JAZF1: variants seen among roughly 807,000 people sequenced by gnomAD.
The protein encoded by JAZF1 is juxtaposed with another zinc finger protein 1.
Under a neutral mutation model 26.4 loss-of-function variants are expected in JAZF1, and 8 were observed. The observed-to-expected ratio is 0.30, with a 90% CI of 0.18 to 0.55. The LOEUF (loss-of-function observed/expected upper bound fraction) is 0.55. Ranked by LOEUF, JAZF1 falls within the 20% of genes least tolerant of loss-of-function variation. JAZF1 has a pLI of 0.94. For missense variants in JAZF1, 199 were observed against 322.0 expected, an observed-to-expected ratio of 0.62 and a Z score of 2.92; for synonymous variants, 126 against 122.3, an observed-to-expected ratio of 1.03 and a Z score of -0.20.
At chr7:27,975,856 T>A (rs143086729) in intron 2 of JAZF1, among the ~76,000 whole-genome samples, 1 of 152,178 alleles carries the variant, frequency 6.6e-6, no homozygotes, top group Non-Finnish European at 1.5e-5. Context: ...GTTTAAAACA[T>A]AGAGTGTCCT....
chr7:27,837,233 G>T (rs962447506), intron 4 of JAZF1, among the ~76,000 whole-genome samples: 22 of 152,200 alleles, frequency 1.4e-4, no homozygotes, highest in Non-Finnish European at 3.1e-4. Flanking sequence ...ATTATCAAAG[G>T]TTAAGCACTT....
At chr7:27,995,104 A>G (rs1423271247) in intron 1 of JAZF1, among the ~76,000 whole-genome samples, 1 of 152,268 alleles carries the variant, frequency 6.6e-6, no homozygotes, top group Non-Finnish European at 1.5e-5. Context: ...GAATTTCCTT[A>G]TACCATGCCA....
chr7:28,051,919 G>A (rs1210134308), intron 1 of JAZF1, among the ~76,000 whole-genome samples: 1 of 152,152 alleles, frequency 6.6e-6, no homozygotes, highest in African/African-American at 2.4e-5. Flanking sequence ...ACATTCTAGT[G>A]TGGCCTAGTG....
chr7:27,891,633 C>A (rs894122511), intron 3 of JAZF1, among the ~76,000 whole-genome samples: 3 of 151,402 alleles, frequency 2.0e-5, no homozygotes, highest in Non-Finnish European at 4.4e-5. Context: ...TCAAGACCAG[C>A]CTGGGCAACA....
At chr7:27,845,777 G>A (rs58947798) in intron 3 of JAZF1, among the ~76,000 whole-genome samples, 3,788 of 151,620 alleles carry the variant, frequency 0.025, 78 homozygotes, top group East Asian at 0.091. Context: ...GTCACACAGC[G>A]GTCTGCAGCC....
intron 1 of JAZF1, among the ~76,000 whole-genome samples, chr7:28,160,517 T>C (rs1175097640): frequency 2.0e-5 from 3 of 152,104 alleles, no homozygotes; most frequent in Non-Finnish European, 2.9e-5. Flanking sequence ...GGCTGTTGGG[T>C]GAGATGTCCT....
intron 3 of JAZF1, among the ~76,000 whole-genome samples, chr7:27,868,568 T>G (rs1451313385): frequency 6.6e-6 from 1 of 152,238 alleles, no homozygotes; most frequent in Non-Finnish European, 1.5e-5. Context: ...AAAGGCATGA[T>G]GTCACTTCCT....
intron 1 of JAZF1, among the ~76,000 whole-genome samples, chr7:28,107,681 ACAGGTTACAACATTAT>A (rs1222783425): frequency 2.6e-5 from 4 of 152,244 alleles, no homozygotes; most frequent in South Asian, 2.1e-4. Context: ...TAAGGACCTC[ACAGGTTACAACATTAT>A]CAGAACAAAA....
At chr7:27,850,716 A>C (rs1320429366) in intron 3 of JAZF1, among the ~76,000 whole-genome samples, 1 of 152,004 alleles carries the variant, frequency 6.6e-6, no homozygotes, top group Non-Finnish European at 1.5e-5. Flanking sequence ...TAAACCCTCT[A>C]GTGGCTTCTC....
At position 28,026,720 on chromosome 7, in the gene JAZF1, T is replaced by G. The variant is rs897413943; in HGVS notation, c.116-34739A>C. Among the ~76,000 whole-genome samples, 8 of 152,212 alleles carry G rather than the reference T, an allele frequency of 5.3e-5. No individual in the cohort carries two copies. In the South Asian group the frequency reaches 6.2e-4, roughly 12 times the overall value. Reference sequence around the variant, plus strand: ...ATTTCTTGCCCCTAACACAGAACTCTATACCCAGTAGTCATTTACTAAACG... The same window carrying G: ...ATTTCTTGCCCCTAACACAGAACTCGATACCCAGTAGTCATTTACTAAACG... On this transcript the variant is annotated intron_variant, in intron 1 of 4. Coordinates refer to ENST00000283928, the MANE Select transcript of JAZF1 (RefSeq NM_175061.4).
intron 1 of JAZF1, among the ~76,000 whole-genome samples, chr7:28,071,195 C>T (rs776716841): frequency 6.6e-5 from 10 of 152,138 alleles, no homozygotes; most frequent in African/African-American, 1.9e-4. Context: ...TAGGTGTAGC[C>T]GGAAGCCAGT....
At chr7:27,904,786 T>C (rs1380913787) in intron 2 of JAZF1, among the ~76,000 whole-genome samples, 4 of 152,210 alleles carry the variant, frequency 2.6e-5, no homozygotes, top group Non-Finnish European at 4.4e-5. Context: ...GCACTTAACT[T>C]GTAAGAGGTA....
chr7:28,006,108 C>T (rs1782695335), intron 1 of JAZF1, among the ~76,000 whole-genome samples: 1 of 151,996 alleles, frequency 6.6e-6, no homozygotes, highest in Non-Finnish European at 1.5e-5. Flanking sequence ...TAAATCTTAC[C>T]CACTAGGGGC....
At chr7:28,066,590 G>T (rs1393891220) in intron 1 of JAZF1, among the ~76,000 whole-genome samples, 1 of 124,218 alleles carries the variant, frequency 8.1e-6, no homozygotes, top group Non-Finnish European at 1.6e-5. Flanking sequence ...GCGACAGAGC[G>T]AGACTCCATC....
At chr7:28,071,266 T>C (rs543770404) in intron 1 of JAZF1, among the ~76,000 whole-genome samples, 14 of 152,302 alleles carry the variant, frequency 9.2e-5, no homozygotes, top group African/African-American at 3.1e-4. Context: ...CCTGCGTTCA[T>C]AACGTTATGA....
chr7:28,180,468 T>C lies in JAZF1; in HGVS notation c.110A>G (p.His37Arg). 6.2e-7 allele frequency: 1 copy of C among 1,606,682 alleles called. No homozygotes were observed. Among genetic ancestry groups the C allele is most frequent in the Non-Finnish European group, 8.5e-7 (1 of 1,176,140 alleles). The part of the protein sequence containing the change: ...ADLIEHIEDN[H>R]IDTDPRVLEK... ...CCCACCCCCGGGCCATTTACCGATG[T>C]GGTTGTCCTCGATGTGCTCGATGAG... Residue 37 changes from histidine to arginine, a missense_variant, in exon 1 of 5, where the codon CAC becomes CGC. By Grantham distance (29) the His-to-Arg change is conservative. Around this residue, in one of 2 missense-constraint regions of JAZF1, gnomAD observed 137 missense variants for 184.8 expected, o/e 0.74. Coordinates refer to ENST00000283928, the MANE Select transcript of JAZF1 (RefSeq NM_175061.4).
chr7:27,898,353 C>T (rs1417453977), intron 2 of JAZF1, among the ~76,000 whole-genome samples: 9 of 133,434 alleles, frequency 6.7e-5, no homozygotes, highest in Non-Finnish European at 1.2e-4. Flanking sequence ...CGCACTGTTG[C>T]CCAGGCTGGA....
chr7:27,868,098 A>G (rs974188279), intron 3 of JAZF1, among the ~76,000 whole-genome samples: 8 of 152,224 alleles, frequency 5.3e-5, no homozygotes, highest in Admixed American at 4.6e-4. Flanking sequence ...AGAGGATTCA[A>G]TGAGTGAATA....
At chr7:28,000,614 CTTTCTTTCTTTT>C (rs1318450805) in intron 1 of JAZF1, among the ~76,000 whole-genome samples, 3 of 132,988 alleles carry the variant, frequency 2.3e-5, no homozygotes, top group East Asian at 2.1e-4. Flanking sequence ...TTCTTTCTTT[CTTTCTTTCTTTT>C]TTTTTTTTTT....
Sources: allele counts gnomAD v4.1 joint callset (sites outside exome capture counted in the v4.1 genomes callset), GRCh38; gene constraint gnomAD v4.1.1; regional missense constraint gnomAD v4.1.1; transcripts MANE v1.5; gene names NCBI Gene and HGNC (gene_info 2026-07-23, HGNC 2026-07-21).